The following GSDME variants were observed in gnomAD, a reference collection of about 807,000 sequenced individuals.
GSDME encodes gasdermin-E.
GSDME carries 44 observed loss-of-function variants against 47.5 expected under a neutral mutation model. The observed-to-expected ratio is 0.93, with a 90% CI of 0.73 to 1.19. The LOEUF is 1.19. Ranked by LOEUF, GSDME falls within the 50% of genes most tolerant of loss-of-function variation. The pLI is 0.00. For synonymous variants in GSDME, 258 were observed against 252.8 expected, an observed-to-expected ratio of 1.02 and a Z score of -0.20; for missense variants, 663 against 604.2, an observed-to-expected ratio of 1.10 and a Z score of -1.02.
chr7:24,765,562 ACGTCACTCCCCTTTTCTGT>A, the GSDME span, among the ~76,000 whole-genome samples: 1 of 152,188 alleles, frequency 6.6e-6, no homozygotes, highest in East Asian at 1.9e-4. Context: ...CTGTTTCTGT[ACGTCACTCCCCTTTTCTGT>A]ACGTCACTGC....
chr7:24,701,584 A>ACT (rs1788872737), intron 9 of GSDME, among the ~76,000 whole-genome samples: 1 of 152,194 alleles, frequency 6.6e-6, no homozygotes, highest in African/African-American at 2.4e-5. Flanking sequence ...AATGCTGAGC[A>ACT]CTCAGTTGCT....
intron 1 of GSDME, among the ~76,000 whole-genome samples, chr7:24,751,945 G>T (rs1365923063): frequency 2.0e-5 from 3 of 152,212 alleles, no homozygotes; most frequent in Non-Finnish European, 2.9e-5. Context: ...TCCAGGGAAA[G>T]AACCAAGAAA....
chr7:24,734,361 CT>C, intron 3 of GSDME, among the ~76,000 whole-genome samples: 3 of 152,336 alleles, frequency 2.0e-5, no homozygotes, highest in Admixed American at 2.0e-4. Context: ...GCAATAAATA[CT>C]TAAATCTTCA....
chr7:24,733,471 G>T lies in GSDME; in HGVS notation c.404+11091C>A, dbSNP rs1790207644. ...CACAGTGGGGTAGAGCACCAAGCAA[G>T]CCCTTCAAGTCTCTGATTCCAGGTT... On this transcript the variant is annotated intron_variant, in intron 3 of 9. Coordinates refer to ENST00000645220, the MANE Select transcript of GSDME (RefSeq NM_001127453.2). This position sits in a 1 kb window ranked among gnomAD's most constrained non-coding sequence, Gnocchi z 4.3. Among the ~76,000 whole-genome samples, 1 of 152,178 alleles carries T rather than the reference G, an allele frequency of 6.6e-6. No individual in the cohort carries two copies. The highest frequency in any genetic ancestry group is 2.4e-5 in the African/African-American group (1 of 41,428).
Position 24,744,329 on chromosome 7 carries a change from G to A in GSDME, c.404+233C>T. On this transcript the variant is annotated intron_variant, in intron 3 of 9. Coordinates refer to ENST00000645220, the MANE Select transcript of GSDME (RefSeq NM_001127453.2). The surrounding 1 kb of genome is among the most constrained non-coding windows in gnomAD (Gnocchi z 4.5). ...GATTGAAGGAAGTACATATTTGCCT[G>A]AAGTAACATCCTTTGAAAGTGCTTC... 1.7e-6 allele frequency: 1 copy of A among 573,102 alleles called. No homozygotes were observed. Among genetic ancestry groups the A allele is most frequent in the African/African-American group, 1.9e-5 (1 of 53,430 alleles). 35.5% of individuals were successfully genotyped at this position (573,102 alleles called of 1,614,324 possible).
intron 5 of GSDME, 174 bp downstream of exon 5, chr7:24,717,080 G>T: frequency 1.4e-6 from 1 of 696,254 alleles, no homozygotes; most frequent in East Asian, 2.9e-5. Flanking sequence ...CCCTCCCCCA[G>T]TGCAGCCCAT....
At chr7:24,719,304 G>A (rs1789689500) in intron 3 of GSDME, 86 bp from the exon 4 acceptor site, 1 of 1,416,538 alleles carries the variant, frequency 7.1e-7, no homozygotes, top group Admixed American at 1.7e-5. Flanking sequence ...GCAGGCAGCT[G>A]AGGAGTGAGC....
intron 6 of GSDME, among the ~76,000 whole-genome samples, chr7:24,709,988 T>C (rs775585602): frequency 4.6e-5 from 7 of 152,130 alleles, no homozygotes; most frequent in Non-Finnish European, 8.8e-5. Flanking sequence ...CCCTACCCCA[T>C]GGAGCGTCAT....
chr7:24,790,421 A>C, the GSDME span, among the ~76,000 whole-genome samples: 1 of 152,052 alleles, frequency 6.6e-6, no homozygotes. The surrounding 1 kb of genome is among the most constrained non-coding windows in gnomAD (Gnocchi z 4.1). Context: ...TTCTCTTTTC[A>C]CGGGAAGCAT....
the GSDME span, among the ~76,000 whole-genome samples, chr7:24,767,418 T>C: frequency 5.3e-5 from 8 of 152,124 alleles, no homozygotes; most frequent in Admixed American, 5.2e-4. The surrounding 1 kb of genome is among the most constrained non-coding windows in gnomAD (Gnocchi z 5.3). Flanking sequence ...AGTTAAAAAA[T>C]AAAACTATCA....
At chr7:24,737,692 TC>T (rs1790353859) in intron 3 of GSDME, among the ~76,000 whole-genome samples, 2 of 100,986 alleles carry the variant, frequency 2.0e-5, no homozygotes, top group East Asian at 1.7e-3. Flanking sequence ...CAAAGACACA[TC>T]AAAAAAAAAA....
chr7:24,758,049 C>T (rs896478998), upstream of GSDME: 11 of 152,326 alleles, frequency 7.2e-5, no homozygotes, highest in Non-Finnish European at 1.0e-4. The surrounding 1 kb of genome is among the most constrained non-coding windows in gnomAD (Gnocchi z 4.6). Context: ...CTCTCACACA[C>T]TGGGTGCTCA....
intron 2 of GSDME, among the ~76,000 whole-genome samples, chr7:24,748,559 T>A: frequency 6.6e-6 from 1 of 152,244 alleles, no homozygotes; most frequent in East Asian, 1.9e-4. Context: ...TAGAATTTTT[T>A]ATTTTTAAAT....
chr7:24,743,628 G>A (rs185767487), intron 3 of GSDME, among the ~76,000 whole-genome samples: 4 of 152,108 alleles, frequency 2.6e-5, no homozygotes, highest in Non-Finnish European at 5.9e-5. Flanking sequence ...GGGACTTGGC[G>A]CCCCACCCCT....
chr7:24,717,298 G>A lies in GSDME; in HGVS notation c.653C>T (p.Ala218Val). The A allele has an allele frequency of 6.2e-7, 1 of 1,611,016 alleles. No homozygotes were observed. The highest frequency in any genetic ancestry group is 8.5e-7 in the Non-Finnish European group (1 of 1,178,768). ...CACGTATAACTCAATGACACCGTAG[G>A]CAATGGTGGTGGCAGCTGGGATCTC... ...VLEIPAATTIAYGVIELYVKL... is the reference protein window; with the variant it reads ...VLEIPAATTIVYGVIELYVKL... The change falls in exon 5 of 10, where the codon GCC (alanine) becomes GTC (valine). Residue 218 changes from alanine (A) to valine (V), a missense_variant. Physicochemically the swap from Ala to Val is moderately conservative, Grantham distance 64. Coordinates refer to ENST00000645220, the MANE Select transcript of GSDME (RefSeq NM_001127453.2).
upstream of GSDME, chr7:24,758,154 G>A (rs537641970): frequency 1.3e-5 from 2 of 152,346 alleles, no homozygotes; most frequent in South Asian, 4.1e-4. This position sits in a 1 kb window ranked among gnomAD's most constrained non-coding sequence, Gnocchi z 4.6. Flanking sequence ...GTAACATTAG[G>A]ACCAGCTGAA....
intron 8 of GSDME, 59 bp from the exon 9 acceptor site, chr7:24,702,892 C>A: frequency 1.4e-6 from 2 of 1,467,158 alleles, no homozygotes; most frequent in Non-Finnish European, 1.9e-6. Flanking sequence ...GGAACAGAGC[C>A]AGCCCCTGGA....
intron 9 of GSDME, among the ~76,000 whole-genome samples, chr7:24,699,523 A>G (rs1788774623): frequency 6.6e-6 from 1 of 152,122 alleles, no homozygotes; most frequent in South Asian, 2.1e-4. Context: ...TATTTTTAGT[A>G]GAGATGGGGT....
At chr7:24,701,579 T>C (rs776936907) in intron 9 of GSDME, among the ~76,000 whole-genome samples, 7 of 152,240 alleles carry the variant, frequency 4.6e-5, no homozygotes, top group Admixed American at 1.3e-4. Context: ...TAGTAAATGC[T>C]GAGCACTCAG....
Sources: allele counts gnomAD v4.1 joint callset (sites outside exome capture counted in the v4.1 genomes callset), GRCh38; gene constraint gnomAD v4.1.1; non-coding constraint Gnocchi (gnomAD v3.1); transcripts MANE v1.5; gene names NCBI Gene and HGNC (gene_info 2026-07-23, HGNC 2026-07-21).